RHAG: variants seen among roughly 807,000 people sequenced by gnomAD.
RHAG encodes ammonium transporter Rh type A.
RHAG carries 25 observed loss-of-function variants against 42.4 expected under a neutral mutation model. That is an observed-to-expected ratio of 0.59 (90% CI 0.43 to 0.82). The LOEUF (loss-of-function observed/expected upper bound fraction) is 0.82, where lower values mean the gene tolerates loss of function less well. Ranked by LOEUF, RHAG falls within the 40% of genes least tolerant of loss-of-function variation. RHAG has a pLI of 0.00. For missense variants in RHAG, 483 were observed against 504.6 expected (o/e 0.96, Z 0.41); for synonymous variants, 182 against 177.7 (o/e 1.02, Z -0.19).
intron 4 of RHAG, chr6:49,615,110 C>A (rs1762631542): frequency 2.4e-6 from 1 of 417,482 alleles, no homozygotes; most frequent in Non-Finnish European, 4.4e-6. Flanking sequence ...ACCATGTCCA[C>A]CTAACTTTTT....
At chr6:49,622,393 G>A (rs1762772187) in intron 1 of RHAG, among the ~76,000 whole-genome samples, 1 of 152,146 alleles carries the variant, frequency 6.6e-6, no homozygotes, top group East Asian at 1.9e-4. Context: ...GGTACTTTTA[G>A]TGGGGACAGG....
intron 1 of RHAG, among the ~76,000 whole-genome samples, chr6:49,622,060 T>C (rs9357627): frequency 0.27 from 40,897 of 151,360 alleles, 6,162 homozygotes; most frequent in Non-Finnish European, 0.35. Flanking sequence ...TACCAAATGA[T>C]ATGGTTTGGC....
At chr6:49,608,012 A>G (rs1184822346) in intron 7 of RHAG, among the ~76,000 whole-genome samples, 1 of 152,188 alleles carries the variant, frequency 6.6e-6, no homozygotes, top group Non-Finnish European at 1.5e-5. Flanking sequence ...TTTAATATAT[A>G]AAAAAACTGC....
intron 4 of RHAG, chr6:49,615,244 C>A: frequency 3.6e-6 from 1 of 278,670 alleles, no homozygotes; most frequent in South Asian, 4.2e-5. Flanking sequence ...GCCACCACGC[C>A]CAGCCTGGAG....
intron 1 of RHAG, among the ~76,000 whole-genome samples, chr6:49,625,885 C>T (rs1762834938): frequency 1.3e-5 from 2 of 152,164 alleles, no homozygotes; most frequent in Admixed American, 1.3e-4. Flanking sequence ...AAAGTCATGT[C>T]TTACATGGCG....
intron 1 of RHAG, among the ~76,000 whole-genome samples, chr6:49,633,451 A>T (rs13193315): frequency 0.2 from 30,561 of 152,162 alleles, 3,908 homozygotes; most frequent in Middle Eastern, 0.29. Flanking sequence ...AAATCCATAT[A>T]GCATATATAT....
rs377601622 is a variant in RHAG, at chr6:49,614,813, C to G, written c.681G>C (p.Ser227=). ...GTTTGTCTCCAGGTTCAGCAATGGCCGAGTTAAAGCTGGGCCAAAACATCC... is the reference window on the plus strand; with the variant it reads ...GTTTGTCTCCAGGTTCAGCAATGGCGGAGTTAAAGCTGGGCCAAAACATCC... ...FLWMFWPSFN[S]AIAEPGDKQC... is the part of the protein sequence containing the mutation. The change falls in exon 5 of 10, where the codon TCG becomes TCC. Residue 227 remains serine, a synonymous_variant. Transcript: ENST00000371175. 1 of 1,614,104 alleles carries G rather than the reference C, an allele frequency of 6.2e-7. No individual in the cohort carries two copies. The highest frequency in any genetic ancestry group is 1.7e-5 in the Admixed American group (1 of 60,016).
At chr6:49,607,634 T>G (rs1318007080) in intron 7 of RHAG, among the ~76,000 whole-genome samples, 5 of 152,222 alleles carry the variant, frequency 3.3e-5, no homozygotes, top group Non-Finnish European at 7.3e-5. Flanking sequence ...GCATATATTG[T>G]AGAGATAGCT....
chr6:49,606,890 C>A lies in RHAG; in HGVS notation c.1170G>T (p.Gln390His). 3 of 1,612,202 alleles carry A rather than the reference C, an allele frequency of 1.9e-6. No individual in the cohort carries two copies. Among genetic ancestry groups the A allele is most frequent in the Non-Finnish European group, 2.5e-6 (3 of 1,178,372 alleles). The change falls in exon 9 of 10, where the codon CAG (glutamine) becomes CAT (histidine). Residue 390 changes from glutamine to histidine, a missense_variant. Coordinates refer to ENST00000371175, the MANE Select transcript of RHAG (RefSeq NM_000324.3). Reference sequence around the variant, plus strand: ...CATCATAGCAGTTCTGGTCAGATGGCTGTCCCCAGAGAGGCAACTTTAGAA... The same window carrying A: ...CATCATAGCAGTTCTGGTCAGATGGATGTCCCCAGAGAGGCAACTTTAGAA... Reference protein sequence around the residue: ...GLILKLPLWGQPSDQNCYDDS... With the variant: ...GLILKLPLWGHPSDQNCYDDS...
rs903322055 is a variant in RHAG at position 49,624,415 on chromosome 6, G to C, written c.158-5053C>G. ...AGACAGGGTTTCACCATGTTGGCCAGGTTGGTCTCGAACTCCTGACCTCAG... is the reference window on the plus strand; with the variant it reads ...AGACAGGGTTTCACCATGTTGGCCACGTTGGTCTCGAACTCCTGACCTCAG... On this transcript the variant is annotated intron_variant, in intron 1 of 9. Transcript: ENST00000371175. 3.3e-5 allele frequency among the ~76,000 whole-genome samples: 5 copies of C among 152,122 alleles called. No individual in the cohort carries two copies. In the East Asian group the frequency reaches 9.6e-4, roughly 29 times the overall value.
chr6:49,615,115 C>CT (rs1274664620), intron 4 of RHAG: 24 of 403,824 alleles, frequency 5.9e-5, no homozygotes, highest in Admixed American at 1.9e-4. Context: ...GTCCACCTAA[C>CT]TTTTTTTTGT....
rs1774145348 is a variant in RHAG at position 49,605,493 on chromosome 6, T to C, written c.*320A>G. 2 of 406,598 alleles carry C rather than the reference T, an allele frequency of 4.9e-6. No individual in the cohort carries two copies. Among genetic ancestry groups the C allele is most frequent in the Non-Finnish European group, 4.6e-6 (1 of 219,162 alleles). 25.2% of individuals were successfully genotyped at this position (406,598 alleles called of 1,614,324 possible). A position where few individuals can be genotyped will look rare whatever the true frequency, so the allele number is the denominator to read the frequency against. On this transcript the variant is annotated 3_prime_UTR_variant, in exon 10 of 10. Coordinates refer to ENST00000371175, the MANE Select transcript of RHAG (RefSeq NM_000324.3). ...GTGTCTACATTAAGAAACTGACATG[T>C]TTACTCTGTATTTACTCACTGCCAA...
At chr6:49,632,180 G>T (rs1762945487) in intron 1 of RHAG, 1 of 152,138 alleles carries the variant, frequency 6.6e-6, no homozygotes, top group Non-Finnish European at 1.5e-5. Context: ...ACAAATATAT[G>T]TAAAGCACTA....
At chr6:49,619,398 G>A (rs1231800131) in intron 1 of RHAG, 36 bp from the exon 2 acceptor site, 1 of 1,579,036 alleles carries the variant, frequency 6.3e-7, no homozygotes, top group Admixed American at 1.7e-5. Context: ...TCTGCATTAT[G>A]AGAGCATGAA....
At position 49,614,669 on chromosome 6, in the gene RHAG, G is replaced by T. The variant is rs763311973; in HGVS notation, c.807+18C>A. On this transcript the variant is annotated intron_variant, in intron 5 of 9. Transcript: ENST00000371175. Reference sequence around the variant, plus strand: ...TGTTGTGAAGCAAAATTTCCATGAGGGCTAAGGCGGCACTTACCATGTTGA... The same window carrying T: ...TGTTGTGAAGCAAAATTTCCATGAGTGCTAAGGCGGCACTTACCATGTTGA... The T allele has an allele frequency of 2.5e-6, 4 of 1,612,576 alleles. No individual in the cohort carries two copies. Among genetic ancestry groups the T allele is most frequent in the South Asian group, 2.2e-5 (2 of 91,012 alleles).
chr6:49,616,354 C>CAAAAAAA (rs34416373), intron 3 of RHAG, among the ~76,000 whole-genome samples: 108 of 108,590 alleles, frequency 9.9e-4, no homozygotes, highest in African/African-American at 1.8e-3. Context: ...AATCTCAAAC[C>CAAAAAAA]AAAAAAAAAA....
At chr6:49,606,958 G>T (rs775086273) in intron 8 of RHAG, 37 bp from the exon 9 acceptor site, 2 of 1,473,224 alleles carry the variant, frequency 1.4e-6, no homozygotes, top group Non-Finnish European at 1.9e-6. Flanking sequence ...ATGTTGTGAC[G>T]CTGAAGAGGA....
intron 1 of RHAG, among the ~76,000 whole-genome samples, chr6:49,632,375 T>A (rs1762947358): frequency 6.6e-6 from 1 of 152,180 alleles, no homozygotes; most frequent in Non-Finnish European, 1.5e-5. Context: ...GAGGCTATCA[T>A]CTCAATTTAA....
chr6:49,629,715 G>A (rs548525196), intron 1 of RHAG, among the ~76,000 whole-genome samples: 6 of 152,228 alleles, frequency 3.9e-5, no homozygotes, highest in African/African-American at 7.2e-5. Context: ...CTAAGGCCCC[G>A]TGAGAAATCG....
Sources: gnomAD v4.1 joint callset for allele counts (sites outside exome capture counted in the v4.1 genomes callset) on GRCh38, gnomAD v4.1.1 for gene constraint, MANE v1.5 for transcripts, NCBI Gene and HGNC (gene_info 2026-07-23, HGNC 2026-07-21) for gene names.